RMST: variants seen among roughly 807,000 people sequenced by gnomAD.
RMST encodes the protein rhabdomyosarcoma 2 associated transcript.
At chr12:97,495,741 T>C (rs1309671145) in intron 9 of RMST, among the ~76,000 whole-genome samples, 3 of 152,094 alleles carry the variant, frequency 2.0e-5, no homozygotes, top group African/African-American at 7.2e-5. Context: ...ATCATGACTG[T>C]CTGAGGGGAA....
At chr12:97,550,424 A>C (rs1883229677) in intron 11 of RMST, among the ~76,000 whole-genome samples, 1 of 152,122 alleles carries the variant, frequency 6.6e-6, no homozygotes, top group Admixed American at 6.6e-5. Flanking sequence ...AATAATAAAA[A>C]TATTAAAAGG....
rs550734900 is a variant in RMST at position 97,490,604 on chromosome 12, T to C, written n.645-1857T>C. ...ATCACCACCACCTCCACCGCCGTCA[T>C]CATTATCTTCATGTCACTAAAATAT... On this transcript the variant is annotated intron_variant and non_coding_transcript_variant, in intron 5 of 13. Transcript: ENST00000640149. 2.0e-5 allele frequency among the ~76,000 whole-genome samples: 3 copies of C among 152,308 alleles called. No homozygotes were observed. In the East Asian group the frequency reaches 5.8e-4, roughly 29 times the overall value.
intron 11 of RMST, among the ~76,000 whole-genome samples, chr12:97,536,334 T>C (rs1010117340): frequency 1.3e-5 from 2 of 151,596 alleles, no homozygotes; most frequent in African/African-American, 4.8e-5. Flanking sequence ...TCTCCTTTTC[T>C]TATGAGAATA....
intron 11 of RMST, among the ~76,000 whole-genome samples, chr12:97,538,024 GGATAAGCCA>G (rs1375155193): frequency 1.3e-5 from 2 of 151,252 alleles, no homozygotes; most frequent in African/African-American, 2.4e-5. Context: ...AGATGAAGAT[GGATAAGCCA>G]CCTTGCAAGC....
At chr12:97,563,280 T>G (rs1884267949) in intron 13 of RMST, 1 of 164,210 alleles carries the variant, frequency 6.1e-6, no homozygotes, top group South Asian at 1.7e-4. Context: ...CATAGTATGC[T>G]ATACTTTTTT....
At chr12:97,462,946 A>G (rs1043444165) in intron 3 of RMST, 2 of 151,848 alleles carry the variant, frequency 1.3e-5, no homozygotes, top group African/African-American at 4.8e-5. Context: ...TTGAAGAAGG[A>G]CACGGCTTTG....
At chr12:97,553,949 CTTTTTT>C (rs756008010) in intron 11 of RMST, among the ~76,000 whole-genome samples, 10 of 120,284 alleles carry the variant, frequency 8.3e-5, no homozygotes, top group African/African-American at 3.0e-4. Context: ...TTTTCTTTCT[CTTTTTT>C]TTTTTTTTTT....
intron 10 of RMST, among the ~76,000 whole-genome samples, chr12:97,521,932 ATTTT>A (rs1880556903): frequency 6.6e-6 from 1 of 152,092 alleles, no homozygotes; most frequent in African/African-American, 2.4e-5. Context: ...AGATTCCCTG[ATTTT>A]GTTTGTTTTA....
chr12:97,473,168 GTGAGAATAA>G (rs1874135749), intron 5 of RMST, among the ~76,000 whole-genome samples: 2 of 152,096 alleles, frequency 1.3e-5, no homozygotes, highest in Admixed American at 6.6e-5. Flanking sequence ...ATTATTTGTT[GTGAGAATAA>G]TGAGAATATT....
intron 10 of RMST, among the ~76,000 whole-genome samples, chr12:97,511,300 C>T (rs1565927527): frequency 6.6e-6 from 1 of 152,038 alleles, no homozygotes; most frequent in African/African-American, 2.4e-5. Flanking sequence ...AGGCACGTGC[C>T]ACTACATGCT....
intron 5 of RMST, among the ~76,000 whole-genome samples, chr12:97,466,432 T>G (rs1873202374): frequency 6.6e-6 from 1 of 152,164 alleles, no homozygotes; most frequent in Non-Finnish European, 1.5e-5. Flanking sequence ...CAAGATTTAA[T>G]TTTAGGTATT....
chr12:97,516,634 A>C (rs939503314), intron 10 of RMST, among the ~76,000 whole-genome samples: 2 of 152,008 alleles, frequency 1.3e-5, no homozygotes, highest in African/African-American at 4.8e-5. Context: ...AAATACATAA[A>C]TCTTCCTAAT....
At chr12:97,465,625 T>A (rs1327770986) in intron 4 of RMST, 1 of 152,184 alleles carries the variant, frequency 6.6e-6, no homozygotes, top group Non-Finnish European at 1.5e-5. Context: ...AGTAAAGTTT[T>A]TTTTTAAGTA....
rs375319012 is a variant in RMST, at chr12:97,513,045, C to G, written n.1340+16989C>G. 6.0e-4 allele frequency among the ~76,000 whole-genome samples: 92 copies of G among 152,358 alleles called. 2 individuals are homozygous for G. The East Asian group carries it at 0.011, about 18-fold the overall frequency. On this transcript the variant is annotated intron_variant and non_coding_transcript_variant, in intron 10 of 13. Transcript: ENST00000640149. ...CGGCCGCTCCAACTGCGGGGTCCGC[C>G]GAGCCCACGCCCACCCGGAACTCGC...
chr12:97,514,630 T>C (rs548705240), intron 10 of RMST, among the ~76,000 whole-genome samples: 1 of 152,262 alleles, frequency 6.6e-6, no homozygotes, highest in Middle Eastern at 3.4e-3. Flanking sequence ...TAACAATTCA[T>C]TGCATTAAAT....
At chr12:97,474,178 A>G (rs775760939) in intron 5 of RMST, among the ~76,000 whole-genome samples, 11 of 152,130 alleles carry the variant, frequency 7.2e-5, no homozygotes, top group Non-Finnish European at 1.2e-4. Context: ...AGGGACTTAT[A>G]CTGGACACAT....
intron 5 of RMST, among the ~76,000 whole-genome samples, chr12:97,484,224 G>T (rs947751890): frequency 2.0e-5 from 3 of 152,110 alleles, no homozygotes; most frequent in African/African-American, 7.2e-5. Flanking sequence ...TGTGTCTATA[G>T]CAATACAACC....
At chr12:97,519,405 G>T (rs1880281526) in intron 10 of RMST, among the ~76,000 whole-genome samples, 2 of 152,154 alleles carry the variant, frequency 1.3e-5, no homozygotes, top group South Asian at 4.1e-4. Flanking sequence ...ATTGGATATT[G>T]CTTGTTTTGG....
intron 11 of RMST, among the ~76,000 whole-genome samples, chr12:97,538,629 C>T (rs555477180): frequency 1.5e-4 from 22 of 151,390 alleles, no homozygotes; most frequent in African/African-American, 5.3e-4. Flanking sequence ...TTTAAGATCC[C>T]TATTAGATAT....
Sources: allele counts gnomAD v4.1 joint callset (sites outside exome capture counted in the v4.1 genomes callset), GRCh38; gene constraint gnomAD v4.1.1; transcripts MANE v1.5; gene names NCBI Gene and HGNC (gene_info 2026-07-23, HGNC 2026-07-21).